ZBTB44: variants seen among roughly 807,000 people sequenced by gnomAD.
ZBTB44 encodes zinc finger and BTB domain-containing protein 44.
A neutral mutation model predicts 54.0 loss-of-function variants in ZBTB44; 15 were observed. That is an observed-to-expected ratio of 0.28 (90% CI 0.19 to 0.43). The LOEUF is 0.43. Ranked by LOEUF, ZBTB44 falls within the 20% of genes least tolerant of loss-of-function variation. The pLI is 1.00. For missense variants in ZBTB44, 487 were observed against 707.1 expected, an observed-to-expected ratio of 0.69 and a Z score of 3.53; for synonymous variants, 230 against 250.1, an observed-to-expected ratio of 0.92 and a Z score of 0.76.
chr11:130,292,134 A>G (rs1172708443), intron 1 of ZBTB44, among the ~76,000 whole-genome samples: 4 of 152,216 alleles, frequency 2.6e-5, no homozygotes, highest in Non-Finnish European at 5.9e-5. Flanking sequence ...ATTTCATTGC[A>G]TGGATGTAAC....
At chr11:130,306,822 A>G (rs193030428) in intron 1 of ZBTB44, among the ~76,000 whole-genome samples, 65 of 152,260 alleles carry the variant, frequency 4.3e-4, no homozygotes, top group African/African-American at 1.4e-3. Flanking sequence ...GTTCTCACTT[A>G]TAAGTGGGAG....
intron 1 of ZBTB44, among the ~76,000 whole-genome samples, chr11:130,283,242 T>C (rs1447095586): frequency 6.6e-6 from 1 of 151,818 alleles, no homozygotes; most frequent in Non-Finnish European, 1.5e-5. Context: ...GAGGCGGTTT[T>C]GCCATGTTGG....
chr11:130,289,899 AATTC>A (rs1941202760), intron 1 of ZBTB44, among the ~76,000 whole-genome samples: 1 of 152,206 alleles, frequency 6.6e-6, no homozygotes, highest in Non-Finnish European at 1.5e-5. Context: ...ATCCCAAGTG[AATTC>A]ATTATCATCT....
rs1269880166 is a variant in ZBTB44 at position 130,261,281 on chromosome 11, C to T, written c.593G>A (p.Cys198Tyr). ...CTGGGGTGAGCTTGTTTGTGTGCCA[C>T]ACTTTACAGGACTTTCAGGAGACAT... Reference protein sequence around the residue: ...IVMSPESPVKCGTQTSSPQVL... With the variant: ...IVMSPESPVKYGTQTSSPQVL... The change falls in exon 2 of 8, where the codon TGT (cysteine) becomes TAT (tyrosine). Residue 198 changes from cysteine (C) to tyrosine (Y), a missense_variant. Physicochemically the swap from Cys to Tyr is radical, Grantham distance 194. Coordinates refer to ENST00000357899, the MANE Select transcript of ZBTB44 (RefSeq NM_001301098.2). The surrounding 1 kb of genome is among the most constrained non-coding windows in gnomAD (Gnocchi z 4.8). 2 of 1,613,842 alleles carry T rather than the reference C, an allele frequency of 1.2e-6. No homozygotes were observed. The highest frequency in any genetic ancestry group is 1.7e-6 in the Non-Finnish European group (2 of 1,179,884).
At chr11:130,255,919 A>AAAAAC (rs1555167098) in intron 2 of ZBTB44, among the ~76,000 whole-genome samples, 1 of 131,396 alleles carries the variant, frequency 7.6e-6, no homozygotes, top group African/African-American at 2.9e-5. Flanking sequence ...AAAAAAAAAA[A>AAAAAC]AACACCCCTT....
In ZBTB44 at chr11:130,238,409, G is replaced by A. The variant is rs569833521; in HGVS notation, c.1267+35C>T. 5.9e-5 allele frequency: 93 copies of A among 1,566,180 alleles called. No individual in the cohort carries two copies. The South Asian group carries it at 6.2e-4, about 10-fold the overall frequency. On this transcript the variant is annotated intron_variant, in intron 4 of 7. Transcript: ENST00000357899. The stretch of plus-strand genomic sequence containing the variant: ...ACTGCAAAATAAAATGTTTTAGAGC[G>A]TTCACTTACGCACCAACAGGGAAGG...
At chr11:130,235,743 T>A (rs1954080330) in intron 5 of ZBTB44, among the ~76,000 whole-genome samples, 1 of 152,144 alleles carries the variant, frequency 6.6e-6, no homozygotes, top group Non-Finnish European at 1.5e-5. Flanking sequence ...CTCACGCCTG[T>A]AATCCCACAG....
chr11:130,236,654 G>C, intron 5 of ZBTB44, 139 bp downstream of exon 5: 1 of 868,570 alleles, frequency 1.2e-6, no homozygotes, highest in Non-Finnish European at 1.6e-6. Context: ...GGAGATTAGA[G>C]TATGAACAGT....
intron 4 of ZBTB44, among the ~76,000 whole-genome samples, chr11:130,237,680 T>C (rs1013923641): frequency 6.6e-6 from 1 of 152,310 alleles, no homozygotes; most frequent in East Asian, 1.9e-4. Context: ...TATCACAGTG[T>C]TTTGGGGAAA....
chr11:130,277,121 G>A (rs997631563), intron 1 of ZBTB44, among the ~76,000 whole-genome samples: 11 of 152,034 alleles, frequency 7.2e-5, no homozygotes, highest in African/African-American at 2.2e-4. Context: ...ATTTCAATCC[G>A]TTCACATTTA....
chr11:130,242,321 T>G (rs891107312), intron 2 of ZBTB44, among the ~76,000 whole-genome samples: 3 of 152,206 alleles, frequency 2.0e-5, no homozygotes, highest in Admixed American at 6.5e-5. Flanking sequence ...ACTTCCATCC[T>G]GCCATTTACA....
intron 1 of ZBTB44, among the ~76,000 whole-genome samples, chr11:130,307,458 T>C (rs1254000331): frequency 1.3e-5 from 2 of 151,998 alleles, no homozygotes; most frequent in Non-Finnish European, 2.9e-5. Context: ...GTTATTGTTT[T>C]ATCACATACC....
chr11:130,311,148 G>C (rs1294072294), intron 1 of ZBTB44, among the ~76,000 whole-genome samples: 1 of 152,128 alleles, frequency 6.6e-6, no homozygotes, highest in Non-Finnish European at 1.5e-5. Flanking sequence ...ATTGGTATTA[G>C]CAATACCAGC....
chr11:130,297,492 A>G lies in ZBTB44; in HGVS notation c.-57+16883T>C, dbSNP rs181697331. On this transcript the variant is annotated intron_variant, in intron 1 of 7. Transcript: ENST00000357899. ...GGGTTGAATTGGGTTCTCTAAAAAG[A>G]TACGTTGAGGTCCTAAACCCCAGTG... 2.3e-4 allele frequency among the ~76,000 whole-genome samples: 35 copies of G among 152,360 alleles called. 1 individual carries two copies. The highest frequency in any genetic ancestry group is 1.7e-3 in the South Asian group (8 of 4,828).
At chr11:130,256,293 G>A (rs1168203615) in intron 2 of ZBTB44, among the ~76,000 whole-genome samples, 4 of 152,126 alleles carry the variant, frequency 2.6e-5, no homozygotes, top group Non-Finnish European at 4.4e-5. Flanking sequence ...TTCAACACAC[G>A]CAGATCAATA....
intron 2 of ZBTB44, among the ~76,000 whole-genome samples, chr11:130,241,983 T>A (rs988475437): frequency 1.3e-5 from 2 of 152,248 alleles, no homozygotes; most frequent in African/African-American, 4.8e-5. Context: ...AATGCCAATC[T>A]TTAGTTACTG....
intron 1 of ZBTB44, among the ~76,000 whole-genome samples, chr11:130,272,533 C>T (rs1024774165): frequency 6.6e-6 from 1 of 152,200 alleles, no homozygotes; most frequent in Non-Finnish European, 1.5e-5. Context: ...AATATTTTCT[C>T]TCATTCTGTG....
At chr11:130,281,996 G>A (rs1940561892) in intron 1 of ZBTB44, among the ~76,000 whole-genome samples, 1 of 151,968 alleles carries the variant, frequency 6.6e-6, no homozygotes, top group South Asian at 2.1e-4. Flanking sequence ...GGTTACAGTG[G>A]GCTATGATCA....
intron 1 of ZBTB44, among the ~76,000 whole-genome samples, chr11:130,303,130 A>G (rs1942075146): frequency 6.6e-6 from 1 of 152,266 alleles, no homozygotes; most frequent in Non-Finnish European, 1.5e-5. Flanking sequence ...CAAGGATCAG[A>G]TACCTAACAG....
Sources: gnomAD v4.1 joint callset for allele counts (sites outside exome capture counted in the v4.1 genomes callset) on GRCh38, gnomAD v4.1.1 for gene constraint, Gnocchi (gnomAD v3.1) non-coding constraint, MANE v1.5 for transcripts, NCBI Gene and HGNC (gene_info 2026-07-23, HGNC 2026-07-21) for gene names.